Variants in GPC5 observed in about 807,000 individuals in gnomAD.
The protein encoded by GPC5 is glypican 5.
In GPC5, 47 loss-of-function variants were observed where a neutral mutation model predicts 53.9. The observed-to-expected ratio is 0.87, with a 90% confidence interval of 0.69 to 1.11. The LOEUF (loss-of-function observed/expected upper bound fraction) is 1.11. Among genes scored for constraint, GPC5 ranks in the 50% most tolerant of loss-of-function variants. GPC5 has a pLI of 0.00. For synonymous variants in GPC5, 286 were observed against 263.3 expected (o/e 1.09, Z -0.84); for missense variants, 748 against 713.1 (o/e 1.05, Z -0.56).
intron 6 of GPC5, among the ~76,000 whole-genome samples, chr13:91,949,106 A>C (rs2040003142): frequency 6.6e-6 from 1 of 152,140 alleles, no homozygotes. Context: ...CCTTCTAAAT[A>C]CTGATGTTTT....
In GPC5 at chr13:91,728,547, G is replaced by T; in HGVS notation, c.1036G>T (p.Gly346Cys). The change falls in exon 4 of 8, where the codon GGC becomes TGC. Residue 346 changes from glycine (G) to cysteine (C), a missense_variant. Coordinates refer to ENST00000377067, the MANE Select transcript of GPC5 (RefSeq NM_004466.6). The part of the protein sequence containing the change: ...KLLEQVNRIC[G>C]RPVRTPTQSP... ...TATTTAAAAGGTAAATAGGATTTGT[G>T]GCCGCCCTGTAAGAACACCCACACA... 7 of 1,611,118 alleles carry T rather than the reference G, an allele frequency of 4.3e-6. No homozygotes were observed. Among genetic ancestry groups the T allele is most frequent in the Non-Finnish European group, 5.9e-6 (7 of 1,178,356 alleles).
intron 7 of GPC5, among the ~76,000 whole-genome samples, chr13:92,344,851 T>C (rs1374028677): frequency 6.6e-6 from 1 of 152,130 alleles, no homozygotes; most frequent in African/African-American, 2.4e-5. Context: ...GCATTTTTCT[T>C]CCCAAAGACT....
At chr13:91,929,650 A>G (rs756992287) in intron 6 of GPC5, among the ~76,000 whole-genome samples, 16 of 152,006 alleles carry the variant, frequency 1.1e-4, no homozygotes, top group Non-Finnish European at 1.8e-4. Flanking sequence ...ATCTGTTGCT[A>G]CCTGTGTTTG....
intron 7 of GPC5, among the ~76,000 whole-genome samples, chr13:92,690,712 T>A (rs1242318978): frequency 8.3e-6 from 1 of 120,848 alleles, no homozygotes; most frequent in Non-Finnish European, 1.7e-5. Context: ...CTACTTTTGG[T>A]CTTTGATGAT....
At chr13:91,656,939 T>C (rs934743518) in intron 2 of GPC5, among the ~76,000 whole-genome samples, 4 of 152,080 alleles carry the variant, frequency 2.6e-5, no homozygotes, top group Non-Finnish European at 5.9e-5. Flanking sequence ...GGCAATACAG[T>C]TTAGCAAAAA....
In GPC5 at chr13:91,706,404, C is replaced by A. The variant is rs373212032; in HGVS notation, c.1020+12523C>A. ...CTTGTAAATCTGACATTAATATTGC[C>A]GTGCTTCTTCTTGTAAGGAGTATAA... On this transcript the variant is annotated intron_variant, in intron 3 of 7. Coordinates refer to ENST00000377067, the MANE Select transcript of GPC5 (RefSeq NM_004466.6). 8.7e-4 allele frequency among the ~76,000 whole-genome samples: 133 copies of A among 152,010 alleles called. 1 individual carries two copies. In the South Asian group the frequency reaches 0.017, roughly 19 times the overall value.
At chr13:92,203,231 C>A (rs1213389179) in intron 7 of GPC5, among the ~76,000 whole-genome samples, 2 of 151,328 alleles carry the variant, frequency 1.3e-5, no homozygotes, top group Admixed American at 1.3e-4. Context: ...AGACTTGGAA[C>A]CAACCCAAAT....
At chr13:91,872,161 A>T (rs1452198041) in intron 5 of GPC5, among the ~76,000 whole-genome samples, 1 of 152,112 alleles carries the variant, frequency 6.6e-6, no homozygotes, top group Non-Finnish European at 1.5e-5. Context: ...CCAGCTGTAA[A>T]TGGCTGTTCT....
chr13:92,787,202 A>G (rs539871059), intron 7 of GPC5, among the ~76,000 whole-genome samples: 1 of 152,170 alleles, frequency 6.6e-6, no homozygotes, highest in Non-Finnish European at 1.5e-5. Flanking sequence ...AAAAAACTGT[A>G]GGGTTGGGAA....
intron 7 of GPC5, among the ~76,000 whole-genome samples, chr13:92,367,817 T>TA (rs966239531): frequency 5.3e-5 from 8 of 152,142 alleles, no homozygotes; most frequent in African/African-American, 1.9e-4. Context: ...GAATGAAATA[T>TA]AAAAAATTGG....
chr13:92,841,528 G>T (rs1449153607), intron 7 of GPC5, among the ~76,000 whole-genome samples: 1 of 151,948 alleles, frequency 6.6e-6, no homozygotes, highest in African/African-American at 2.4e-5. Context: ...AGATAATTCT[G>T]ACTCCAAGAT....
intron 7 of GPC5, among the ~76,000 whole-genome samples, chr13:92,693,943 G>A (rs12428255): frequency 0.051 from 7,823 of 152,186 alleles, 559 homozygotes; most frequent in East Asian, 0.31. Context: ...CATGGGTCAG[G>A]CCCAGGGCCC....
intron 7 of GPC5, among the ~76,000 whole-genome samples, chr13:92,602,371 G>C (rs1884107517): frequency 6.6e-6 from 1 of 150,960 alleles, no homozygotes; most frequent in Non-Finnish European, 1.5e-5. Context: ...GCCTTAATAT[G>C]AGTTTATTCC....
rs979199363 is a variant in GPC5 at position 92,657,914 on chromosome 13, A to T, written c.1562-208368A>T. ...ATCTGAATTGCTTTTCTATTTTTCT[A>T]TTTTTTTGCAACTGGTATGAATCAT... On this transcript the variant is annotated intron_variant, in intron 7 of 7. Transcript: ENST00000377067. Among the ~76,000 whole-genome samples, 1,295 of 151,984 alleles carry T rather than the reference A, an allele frequency of 8.5e-3. 19 individuals are homozygous for T. Among genetic ancestry groups the T allele is most frequent in the African/African-American group, 0.03 (1,227 of 41,458 alleles).
At chr13:91,952,085 T>A (rs1367320787) in intron 6 of GPC5, among the ~76,000 whole-genome samples, 1 of 152,130 alleles carries the variant, frequency 6.6e-6, no homozygotes, top group Non-Finnish European at 1.5e-5. Flanking sequence ...TAACGACTTT[T>A]GAATGTCTCT....
intron 6 of GPC5, among the ~76,000 whole-genome samples, chr13:92,046,035 C>T (rs941769503): frequency 2.6e-5 from 4 of 151,904 alleles, no homozygotes; most frequent in African/African-American, 7.3e-5. Flanking sequence ...GGCTTGAACC[C>T]GGGAGGCGGC....
chr13:92,863,848 T>C (rs987367760), intron 7 of GPC5, among the ~76,000 whole-genome samples: 52 of 152,302 alleles, frequency 3.4e-4, no homozygotes, highest in African/African-American at 1.2e-3. Context: ...AATATTTCCT[T>C]CATTTTTTAA....
At chr13:92,470,986 G>A (rs920463907) in intron 7 of GPC5, among the ~76,000 whole-genome samples, 4 of 152,088 alleles carry the variant, frequency 2.6e-5, no homozygotes, top group Non-Finnish European at 5.9e-5. Flanking sequence ...CCTCTTTCTC[G>A]AGTTTGTATC....
intron 6 of GPC5, among the ~76,000 whole-genome samples, chr13:91,921,458 G>A (rs1326706962): frequency 1.3e-5 from 2 of 152,096 alleles, no homozygotes; most frequent in South Asian, 2.1e-4. Context: ...AGATCTGCTA[G>A]AGCACTTGAG....
Sources: allele counts gnomAD v4.1 joint callset (sites outside exome capture counted in the v4.1 genomes callset), GRCh38; gene constraint gnomAD v4.1.1; transcripts MANE v1.5; gene names NCBI Gene and HGNC (gene_info 2026-07-23, HGNC 2026-07-21).